Variants in SKA2 observed in about 807,000 individuals in gnomAD.
SKA2 encodes the protein spindle and kinetochore-associated protein 2.
Under a neutral mutation model 16.9 loss-of-function variants are expected in SKA2, and 13 were observed. The observed-to-expected ratio is 0.77, with a 90% CI of 0.50 to 1.22. The LOEUF (loss-of-function observed/expected upper bound fraction) is 1.22. Ranked by LOEUF, SKA2 falls within the 50% of genes most tolerant of loss-of-function variation. The pLI, the probability that SKA2 is intolerant of heterozygous loss-of-function variation, is 0.00. For missense variants in SKA2, 107 were observed against 139.7 expected (o/e 0.77, Z 1.18); for synonymous variants, 47 against 48.5 (o/e 0.97, Z 0.13).
chr17:59,119,296 A>G (rs1418153545), intron 3 of SKA2, 23 bp downstream of exon 3: 2 of 1,611,362 alleles, frequency 1.2e-6, no homozygotes, highest in Non-Finnish European at 1.7e-6. Context: ...AAACAAATCT[A>G]ACCTGTCAAC....
chr17:59,120,524 A>G (rs954472760), intron 2 of SKA2, among the ~76,000 whole-genome samples: 4 of 152,170 alleles, frequency 2.6e-5, no homozygotes, highest in African/African-American at 9.7e-5. Context: ...CTAGAATTAC[A>G]GGTGTGAGCC....
At chr17:59,139,706 T>A (rs781431077) in intron 1 of SKA2, among the ~76,000 whole-genome samples, 7 of 152,134 alleles carry the variant, frequency 4.6e-5, no homozygotes, top group Non-Finnish European at 1.0e-4. Flanking sequence ...AACACCTTTA[T>A]CTACTCTCCT....
rs1568301600 is a variant in SKA2 at position 59,119,454 on chromosome 17, C to T, written c.162G>A (p.Lys54=). Residue 54 remains lysine (K), a synonymous_variant, in exon 3 of 4, where the codon AAG becomes AAA. Coordinates refer to ENST00000330137, the MANE Select transcript of SKA2 (RefSeq NM_182620.4). ...GGGCATACAAAGTTTGATATCGAGACTTTATCACTGACAATTCCTTTAAGA... is the reference window on the plus strand; with the variant it reads ...GGGCATACAAAGTTTGATATCGAGATTTTATCACTGACAATTCCTTTAAGA... The part of the protein sequence containing the change: ...VTLLKELSVI[K]SRYQTLYARF... 4.3e-6 allele frequency: 7 copies of T among 1,613,964 alleles called. No homozygotes were observed. Among genetic ancestry groups the T allele is most frequent in the Non-Finnish European group, 5.1e-6 (6 of 1,179,878 alleles).
At chr17:59,148,392 A>G (rs1416717516) in intron 1 of SKA2, among the ~76,000 whole-genome samples, 2 of 152,112 alleles carry the variant, frequency 1.3e-5, no homozygotes, top group African/African-American at 4.8e-5. Flanking sequence ...CCTGGGCAAC[A>G]TAACAAGACC....
intron 2 of SKA2, among the ~76,000 whole-genome samples, chr17:59,127,139 C>A (rs191467358): frequency 1.3e-4 from 20 of 152,180 alleles, no homozygotes; most frequent in African/African-American, 4.8e-4. Context: ...AATGGATATA[C>A]AGTTACAATG....
In SKA2 at chr17:59,119,458, A is replaced by G; in HGVS notation, c.158T>C (p.Ile53Thr). 1 of 1,614,032 alleles carries G rather than the reference A, an allele frequency of 6.2e-7. No homozygotes were observed. Among genetic ancestry groups the G allele is most frequent in the Non-Finnish European group, 8.5e-7 (1 of 1,179,882 alleles). Residue 53 changes from isoleucine (I) to threonine (T), a missense_variant, in exon 3 of 4, where the codon ATA (isoleucine) becomes ACA (threonine). Transcript: ENST00000330137. ...PVTLLKELSV[I>T]KSRYQTLYAR... ...ATACAAAGTTTGATATCGAGACTTT[A>G]TCACTGACAATTCCTTTAAGAGTGT...
At chr17:59,115,782 C>T (rs568163674) in intron 3 of SKA2, among the ~76,000 whole-genome samples, 2 of 152,184 alleles carry the variant, frequency 1.3e-5, no homozygotes, top group South Asian at 4.1e-4. Flanking sequence ...ATCCACATTG[C>T]CCCTTGTGAT....
intron 1 of SKA2, among the ~76,000 whole-genome samples, chr17:59,144,764 G>T (rs1253771024): frequency 6.6e-6 from 1 of 152,036 alleles, no homozygotes; most frequent in Non-Finnish European, 1.5e-5. Context: ...CTAGACGCTG[G>T]GGGGAGGGGA....
intron 1 of SKA2, among the ~76,000 whole-genome samples, 187 bp from the exon 2 acceptor site, chr17:59,131,554 A>G (rs1327474287): frequency 6.6e-6 from 1 of 152,230 alleles, no homozygotes; most frequent in Non-Finnish European, 1.5e-5. Flanking sequence ...TGAAAAATTT[A>G]AAAAGTAGTT....
At chr17:59,129,386 C>CAT (rs137995805) in intron 2 of SKA2, 3 of 153,312 alleles carry the variant, frequency 2.0e-5, no homozygotes, top group African/African-American at 2.4e-5. Context: ...CACACACACA[C>CAT]ACACACACAC....
At chr17:59,150,479 A>C (rs939021662) in intron 1 of SKA2, among the ~76,000 whole-genome samples, 12 of 152,182 alleles carry the variant, frequency 7.9e-5, no homozygotes, top group African/African-American at 2.9e-4. Context: ...GCTCACACCT[A>C]TAATCCCAGC....
intron 1 of SKA2, among the ~76,000 whole-genome samples, chr17:59,147,199 T>G (rs1233052480): frequency 6.6e-6 from 1 of 151,844 alleles, no homozygotes; most frequent in African/African-American, 2.4e-5. Context: ...ATGAACCCCT[T>G]GGCCCCTCCT....
intron 1 of SKA2, among the ~76,000 whole-genome samples, chr17:59,150,249 A>C (rs1484238920): frequency 6.6e-6 from 1 of 152,220 alleles, no homozygotes; most frequent in Admixed American, 6.5e-5. Context: ...GCTGGGCAAC[A>C]CAGCAAGACT....
In SKA2 at chr17:59,110,750, CTG is replaced by C. The variant is rs1355983385; in HGVS notation, c.*1525_*1526del. On this transcript the variant is annotated 3_prime_UTR_variant, in exon 4 of 4. Transcript: ENST00000330137. Reference sequence around the variant, plus strand: ...GTTGCAGTGAGCTGAGAGCGTACCACTGCATTCCAGCCTGGGCAACAGAGTGA... The same window carrying C: ...GTTGCAGTGAGCTGAGAGCGTACCACCATTCCAGCCTGGGCAACAGAGTGA... 4 of 133,604 alleles carry C rather than the reference CTG, an allele frequency of 3.0e-5. No homozygotes were observed. The highest frequency in any genetic ancestry group is 6.1e-5 in the Non-Finnish European group (4 of 65,414). The allele number at this position is 133,604 out of a possible 1,614,324, so 8.3% of individuals were successfully genotyped here.
chr17:59,125,659 G>A (rs2147801658), intron 2 of SKA2, among the ~76,000 whole-genome samples: 1 of 149,578 alleles, frequency 6.7e-6, no homozygotes, highest in East Asian at 2.0e-4. Context: ...ATTCCAGCCT[G>A]GGCGACAGGG....
chr17:59,123,438 T>C (rs924087944), intron 2 of SKA2, among the ~76,000 whole-genome samples: 1 of 151,382 alleles, frequency 6.6e-6, no homozygotes. Context: ...GTGCCTGTAA[T>C]CCCAGCTACT....
intron 1 of SKA2, among the ~76,000 whole-genome samples, chr17:59,148,303 C>A (rs1004911939): frequency 2.0e-5 from 3 of 152,130 alleles, no homozygotes; most frequent in Admixed American, 1.3e-4. Flanking sequence ...CTATCCGGCA[C>A]AGTGGTTCAC....
rs909458290 is a variant in SKA2 at position 59,116,810 on chromosome 17, CTTTTTTTTTTT to C, written c.297+2498_297+2508del. 1.3e-3 allele frequency among the ~76,000 whole-genome samples: 101 copies of C among 75,298 alleles called. 1 individual carries two copies. The highest frequency in any genetic ancestry group is 5.1e-3 in the African/African-American group (90 of 17,524). The allele number at this position is 75,298 out of a possible 152,430, so 49.4% of individuals were successfully genotyped here. On this transcript the variant is annotated intron_variant, in intron 3 of 3. Transcript: ENST00000330137. ...AGGCCTTAGCTCTATCTGCCTTTGG[CTTTTTTTTTTT>C]TTTTTTTTTTTTTTTGAGACAGAGT...
In SKA2 at chr17:59,119,210, T is replaced by C. The variant is rs2046316119; in HGVS notation, c.297+109A>G. 4.9e-6 allele frequency: 6 copies of C among 1,232,522 alleles called. No homozygotes were observed. In the South Asian group the frequency reaches 9.4e-5, roughly 19 times the overall value. 76.3% of individuals were successfully genotyped at this position (1,232,522 alleles called of 1,614,324 possible). A position where few individuals can be genotyped will look rare whatever the true frequency, so the allele number is the denominator to read the frequency against. On this transcript the variant is annotated intron_variant, in intron 3 of 3. Transcript: ENST00000330137. ...GGGTATCAGGAAAATCTTTCAATAGTTCAAACTGACTGCTGAGTTTCAAAA... is the reference window on the plus strand; with the variant it reads ...GGGTATCAGGAAAATCTTTCAATAGCTCAAACTGACTGCTGAGTTTCAAAA...
Sources: gnomAD v4.1 joint callset for allele counts (sites outside exome capture counted in the v4.1 genomes callset) on GRCh38, gnomAD v4.1.1 for gene constraint, MANE v1.5 for transcripts, NCBI Gene and HGNC (gene_info 2026-07-23, HGNC 2026-07-21) for gene names.